The following FGGY variants were observed in gnomAD, a reference collection of about 807,000 sequenced individuals.
FGGY encodes the protein FGGY carbohydrate kinase domain-containing protein.
Under a neutral mutation model 71.3 loss-of-function variants are expected in FGGY, and 72 were observed. The observed-to-expected ratio is 1.01, with a 90% CI of 0.84 to 1.23. FGGY has a LOEUF of 1.23. Among genes scored for constraint, FGGY ranks in the 50% most tolerant of loss-of-function variants. The pLI, the probability that FGGY is intolerant of heterozygous loss-of-function variation, is 0.00. For synonymous variants in FGGY, 251 were observed against 250.3 expected (o/e 1.00, Z -0.02); for missense variants, 668 against 682.3 (o/e 0.98, Z 0.23).
intron 5 of FGGY, among the ~76,000 whole-genome samples, chr1:59,419,191 A>G (rs1368776923): frequency 6.6e-6 from 1 of 152,196 alleles, no homozygotes; most frequent in African/African-American, 2.4e-5. Context: ...AAGTGGCAAG[A>G]AGCCGTCAAA....
intron 14 of FGGY, among the ~76,000 whole-genome samples, chr1:59,703,189 T>C (rs2097724559): frequency 6.6e-6 from 1 of 152,224 alleles, no homozygotes; most frequent in Admixed American, 6.5e-5. Context: ...CCCTTCATTG[T>C]TGCCTTTCTT....
At chr1:59,358,973 T>C (rs1001323357) in intron 4 of FGGY, among the ~76,000 whole-genome samples, 9 of 152,204 alleles carry the variant, frequency 5.9e-5, no homozygotes, top group African/African-American at 2.2e-4. Flanking sequence ...TCTGGCAACG[T>C]TGGAATGCAA....
chr1:59,681,596 C>G (rs1391709209), intron 14 of FGGY, among the ~76,000 whole-genome samples: 1 of 152,068 alleles, frequency 6.6e-6, no homozygotes, highest in Admixed American at 6.6e-5. Context: ...ACTATTTATG[C>G]CTTTACTTTT....
chr1:59,740,947 C>A (rs547127086), intron 14 of FGGY, among the ~76,000 whole-genome samples: 1 of 152,128 alleles, frequency 6.6e-6, no homozygotes, highest in Non-Finnish European at 1.5e-5. Context: ...TGTAAAATAT[C>A]TCATAAATAA....
chr1:59,656,185 A>G (rs1439925264), intron 11 of FGGY, among the ~76,000 whole-genome samples: 2 of 152,290 alleles, frequency 1.3e-5, no homozygotes, highest in African/African-American at 2.4e-5. Flanking sequence ...TTCCCTACAC[A>G]TTTGTCTGTC....
intron 1 of FGGY, chr1:59,316,264 C>G (rs2045437753): frequency 1.3e-5 from 2 of 152,116 alleles, no homozygotes; most frequent in African/African-American, 4.8e-5. Context: ...TCCCAGATTT[C>G]TGGGACACTG....
intron 9 of FGGY, among the ~76,000 whole-genome samples, chr1:59,623,333 C>T (rs1252811324): frequency 2.6e-5 from 4 of 152,282 alleles, no homozygotes; most frequent in Middle Eastern, 3.4e-3. Flanking sequence ...TGTCTGCCTT[C>T]GCCCTCTTTA....
intron 1 of FGGY, among the ~76,000 whole-genome samples, chr1:59,303,967 T>G (rs889432124): frequency 6.6e-6 from 1 of 152,172 alleles, no homozygotes; most frequent in Non-Finnish European, 1.5e-5. Context: ...TATACATTTT[T>G]AAAAATATAT....
At chr1:59,338,048 T>C (rs2049953105) in intron 2 of FGGY, among the ~76,000 whole-genome samples, 1 of 152,128 alleles carries the variant, frequency 6.6e-6, no homozygotes, top group Admixed American at 6.6e-5. Context: ...TTATTGAATG[T>C]TATATTTGGA....
At chr1:59,484,982 G>C (rs2093614782) in intron 6 of FGGY, among the ~76,000 whole-genome samples, 1 of 152,136 alleles carries the variant, frequency 6.6e-6, no homozygotes, top group Non-Finnish European at 1.5e-5. Flanking sequence ...CAATAATTTA[G>C]AGTGAATCAC....
At chr1:59,512,163 C>A (rs2094534272) in intron 6 of FGGY, 148 bp from the exon 7 acceptor site, 14 of 772,248 alleles carry the variant, frequency 1.8e-5, no homozygotes, top group Non-Finnish European at 2.7e-5. Context: ...ACTGGATGAG[C>A]AAAGGGACTC....
chr1:59,726,181 A>T (rs1223170726), intron 14 of FGGY, among the ~76,000 whole-genome samples: 1 of 152,166 alleles, frequency 6.6e-6, no homozygotes, highest in Admixed American at 6.6e-5. Context: ...ATTTATCAAC[A>T]TGATTATATA....
intron 10 of FGGY, among the ~76,000 whole-genome samples, chr1:59,629,136 A>T (rs1358205987): frequency 6.6e-6 from 1 of 152,188 alleles, no homozygotes; most frequent in Non-Finnish European, 1.5e-5. Flanking sequence ...TAACGGGTGC[A>T]GCAAACCAAC....
At chr1:59,395,962 C>T (rs1344254985) in intron 5 of FGGY, among the ~76,000 whole-genome samples, 1 of 152,110 alleles carries the variant, frequency 6.6e-6, no homozygotes, top group East Asian at 1.9e-4. Context: ...GTAAAGAGTT[C>T]ATTCATTAGG....
At chr1:59,562,189 A>C (rs2095802663) in intron 8 of FGGY, among the ~76,000 whole-genome samples, 1 of 152,238 alleles carries the variant, frequency 6.6e-6, no homozygotes, top group South Asian at 2.1e-4. Flanking sequence ...TGTTCATACC[A>C]ACAAATAAAG....
chr1:59,401,345 T>C (rs1321783783), intron 5 of FGGY, among the ~76,000 whole-genome samples: 4 of 152,218 alleles, frequency 2.6e-5, no homozygotes, highest in African/African-American at 9.7e-5. Flanking sequence ...ATTATGTTAT[T>C]AACAATAAAT....
chr1:59,674,308 T>C (rs771692964), intron 14 of FGGY, among the ~76,000 whole-genome samples, 175 bp downstream of exon 14: 5 of 152,208 alleles, frequency 3.3e-5, no homozygotes, highest in Non-Finnish European at 5.9e-5. Flanking sequence ...GCAGTTTTCA[T>C]TTGACTTGGC....
chr1:59,624,301 T>C (rs1331970270), intron 9 of FGGY, among the ~76,000 whole-genome samples: 1 of 152,204 alleles, frequency 6.6e-6, no homozygotes, highest in Non-Finnish European at 1.5e-5. Flanking sequence ...CCTAGATTTG[T>C]CGTTACTTTA....
chr1:59,626,494 A>G (rs1459921670), intron 10 of FGGY: 1 of 153,750 alleles, frequency 6.5e-6, no homozygotes, highest in Non-Finnish European at 1.4e-5. Flanking sequence ...AAAATTTACG[A>G]TATACTCCCT....
Sources: allele counts gnomAD v4.1 joint callset (sites outside exome capture counted in the v4.1 genomes callset), GRCh38; gene constraint gnomAD v4.1.1; transcripts MANE v1.5; gene names NCBI Gene and HGNC (gene_info 2026-07-23, HGNC 2026-07-21).